TTC3: variants seen among roughly 807,000 people sequenced by gnomAD.
TTC3 encodes E3 ubiquitin-protein ligase TTC3.
Under a neutral mutation model 249.6 loss-of-function variants are expected in TTC3, and 180 were observed. The ratio of observed to expected loss-of-function variants is 0.72; its 90% CI spans 0.64 to 0.82. The LOEUF is 0.82. Among genes scored for constraint, TTC3 ranks in the 40% least tolerant of loss-of-function variants. TTC3 has a pLI of 0.00. For synonymous variants in TTC3, 717 were observed against 805.0 expected (o/e 0.89, Z 1.85); for missense variants, 2,061 against 2,398.4 (o/e 0.86, Z 2.94).
chr21:37,130,978 A>G (rs553135616), intron 16 of TTC3, among the ~76,000 whole-genome samples: 1 of 152,304 alleles, frequency 6.6e-6, no homozygotes, highest in African/African-American at 2.4e-5. Context: ...GATATTGTGA[A>G]ATGGTTCTCT....
intron 11 of TTC3, among the ~76,000 whole-genome samples, chr21:37,119,695 A>G (rs892428664): frequency 6.6e-6 from 1 of 151,912 alleles, no homozygotes; most frequent in African/African-American, 2.4e-5. Context: ...CTTACTTTAT[A>G]TGTTTTTCAT....
intron 10 of TTC3, among the ~76,000 whole-genome samples, chr21:37,102,706 A>C (rs984050218): frequency 2.0e-5 from 3 of 152,204 alleles, no homozygotes; most frequent in Non-Finnish European, 4.4e-5. Context: ...TTTAGATTCC[A>C]AAGAGTAAGG....
intron 25 of TTC3, 145 bp from the exon 26 acceptor site, chr21:37,151,748 G>A: frequency 1.1e-6 from 1 of 909,380 alleles, no homozygotes. Flanking sequence ...TGACAATACT[G>A]ACAGTTTCTT....
chr21:37,124,589 G>GTATA, intron 13 of TTC3, 30 bp from the exon 14 acceptor site: 1 of 1,600,874 alleles, frequency 6.2e-7, no homozygotes, highest in Non-Finnish European at 8.5e-7. Context: ...TTCAAAAAAT[G>GTATA]TATAATAATT....
chr21:37,095,797 A>G (rs1211133632), intron 9 of TTC3, among the ~76,000 whole-genome samples: 1 of 152,252 alleles, frequency 6.6e-6, no homozygotes, highest in East Asian at 1.9e-4. Flanking sequence ...TTAATAGTTA[A>G]GATGCCACCC....
intron 44 of TTC3, among the ~76,000 whole-genome samples, chr21:37,198,286 G>C (rs1031567895): frequency 6.6e-6 from 1 of 152,346 alleles, no homozygotes; most frequent in Admixed American, 6.5e-5. Flanking sequence ...CATCGTGGGG[G>C]ATCTGAGCCT....
intron 1 of TTC3, among the ~76,000 whole-genome samples, chr21:37,077,635 G>T (rs1010186221): frequency 1.3e-5 from 2 of 152,198 alleles, no homozygotes; most frequent in African/African-American, 4.8e-5. Context: ...AATGGAATGG[G>T]TATGAAATGA....
chr21:37,138,949 T>C (rs565016669), intron 19 of TTC3, among the ~76,000 whole-genome samples: 6 of 152,176 alleles, frequency 3.9e-5, no homozygotes, highest in Non-Finnish European at 7.4e-5. Flanking sequence ...TAGTATGTAA[T>C]GTATCATGAT....
At chr21:37,158,870 C>G (rs150150627) in intron 28 of TTC3, among the ~76,000 whole-genome samples, 1 of 152,052 alleles carries the variant, frequency 6.6e-6, no homozygotes, top group African/African-American at 2.4e-5. Context: ...CCCCACTTCC[C>G]GAGGCCAAGA....
chr21:37,109,330 G>T (rs986396459), intron 11 of TTC3, among the ~76,000 whole-genome samples: 1 of 152,210 alleles, frequency 6.6e-6, no homozygotes, highest in Non-Finnish European at 1.5e-5. Flanking sequence ...AGGGGTGACA[G>T]ATGGCACCTG....
exon 33 of TTC3, chr21:37,166,232 C>T (rs778221296): frequency 5.6e-6 from 9 of 1,614,072 alleles, no homozygotes; most frequent in South Asian, 3.3e-5. Context: ...AAACGTGTTA[C>T]CAGGTTTGCC....
intron 11 of TTC3, among the ~76,000 whole-genome samples, chr21:37,108,825 G>A (rs951032606): frequency 6.6e-6 from 1 of 152,198 alleles, no homozygotes; most frequent in Non-Finnish European, 1.5e-5. Flanking sequence ...CAGCAGTGAA[G>A]ACAACCATCT....
In TTC3 at chr21:37,182,936, T is replaced by C. The variant is rs753473280; in HGVS notation, c.4757+23T>C. ...AATGTAAGTAATGATTGAAAGGCAG[T>C]AATTTTTATTTAAAAAAAAATATTG... On this transcript the variant is annotated intron_variant, in intron 36 of 45. Coordinates refer to ENST00000355666, the Ensembl canonical transcript of TTC3. 5 of 1,502,086 alleles carry C rather than the reference T, an allele frequency of 3.3e-6. No individual in the cohort carries two copies. In the African/African-American group the frequency reaches 4.3e-5, roughly 13 times the overall value. 93.0% of individuals were successfully genotyped at this position (1,502,086 alleles called of 1,614,324 possible).
intron 23 of TTC3, 62 bp downstream of exon 23, chr21:37,148,709 C>T: frequency 1.8e-6 from 2 of 1,097,466 alleles, no homozygotes; most frequent in Admixed American, 2.7e-5. Context: ...ATTTTTCCCC[C>T]AAGAATTCCT....
exon 19 of TTC3, chr21:37,138,707 A>G: frequency 6.2e-7 from 1 of 1,605,960 alleles, no homozygotes; most frequent in Non-Finnish European, 8.5e-7. Context: ...GGAATAGGAC[A>G]GCCTGAGGTA....
intron 11 of TTC3, among the ~76,000 whole-genome samples, chr21:37,109,624 C>T (rs892818848): frequency 6.6e-6 from 1 of 152,264 alleles, no homozygotes; most frequent in African/African-American, 2.4e-5. Flanking sequence ...CTGTAGGCTC[C>T]ACCTCTGGGG....
At chr21:37,199,956 G>C (rs972158844) in intron 44 of TTC3, among the ~76,000 whole-genome samples, 2 of 152,134 alleles carry the variant, frequency 1.3e-5, no homozygotes, top group Non-Finnish European at 2.9e-5. Context: ...CTGTACTTTA[G>C]GTATGGTAAT....
At chr21:37,148,987 C>A (rs898504313) in intron 23 of TTC3, among the ~76,000 whole-genome samples, 1 of 152,046 alleles carries the variant, frequency 6.6e-6, no homozygotes, top group African/African-American at 2.4e-5. Flanking sequence ...CTGCACCAGG[C>A]CCCACTTGAA....
intron 11 of TTC3, among the ~76,000 whole-genome samples, chr21:37,116,210 GTTGAATTAGC>G (rs1403069041): frequency 6.6e-6 from 1 of 152,200 alleles, no homozygotes. Context: ...GTAGATTGCA[GTTGAATTAGC>G]TGGCTTATCA....
Sources: gnomAD v4.1 joint callset for allele counts (sites outside exome capture counted in the v4.1 genomes callset) on GRCh38, gnomAD v4.1.1 for gene constraint, MANE v1.5 for transcripts, NCBI Gene and HGNC (gene_info 2026-07-23, HGNC 2026-07-21) for gene names.